Variants in RBFOX3 observed in about 807,000 individuals in gnomAD.
RBFOX3 encodes the protein RNA binding protein fox-1 homolog 3.
RBFOX3 carries 17 observed loss-of-function variants against 48.7 expected under a neutral mutation model. The ratio of observed to expected loss-of-function variants is 0.35; its 90% CI spans 0.24 to 0.52. The LOEUF is 0.52. RBFOX3 is among the 20% of genes least tolerant of loss of function. The pLI is 0.94. For missense variants in RBFOX3, 382 were observed against 497.5 expected (o/e 0.77, Z 2.21); for synonymous variants, 212 against 209.5 (o/e 1.01, Z -0.10).
Position 79,600,672 on chromosome 17 carries a change from C to T in RBFOX3, c.-320+10154G>A. ...GTCCATTCAGGAACCTTCAAAGCCA[C>T]ACCCCAGGGGGCTCCCACCTCGAAG... On this transcript the variant is annotated intron_variant, in intron 1 of 14. Coordinates refer to ENST00000693108, the MANE Select transcript of RBFOX3 (RefSeq NM_001350451.2). 1.3e-5 allele frequency: 2 copies of T among 152,342 alleles called. 1 individual carries two copies. Among genetic ancestry groups the T allele is most frequent in the East Asian group, 3.9e-4 (2 of 5,176 alleles). 9.4% of individuals were successfully genotyped at this position (152,342 alleles called of 1,614,324 possible).
In RBFOX3 at chr17:79,115,615, G is replaced by T. The variant is rs559791201; in HGVS notation, c.101C>A (p.Ser34Tyr). The change falls in exon 5 of 15, where the codon TCC (serine) becomes TAC (tyrosine). Residue 34 changes from serine to tyrosine, a missense_variant. Around this residue, in one of 3 missense-constraint regions of RBFOX3, gnomAD observed 118 missense variants for 132.1 expected, o/e 0.89. Coordinates refer to ENST00000693108, the MANE Select transcript of RBFOX3 (RefSeq NM_001350451.2). ...PPPPHPTQDYSGQTPVPTEHG... is the reference protein window; with the variant it reads ...PPPPHPTQDYYGQTPVPTEHG... ...CTCTGTGGGGACCGGGGTCTGGCCG[G>T]AGTAGTCCTGCGTGGGGTGCGGTGG... is the stretch of plus-strand genomic sequence containing the variant. 19 of 1,436,476 alleles carry T rather than the reference G, an allele frequency of 1.3e-5. No individual in the cohort carries two copies. In the South Asian group the frequency reaches 2.1e-4, roughly 16 times the overall value. The allele number at this position is 1,436,476 out of a possible 1,614,324, so 89.0% of individuals were successfully genotyped here. A position where few individuals can be genotyped will look rare whatever the true frequency, so the allele number is the denominator to read the frequency against.
At chr17:79,487,676 C>T (rs2079836623) in intron 1 of RBFOX3, among the ~76,000 whole-genome samples, 1 of 152,088 alleles carries the variant, frequency 6.6e-6, no homozygotes, top group Non-Finnish European at 1.5e-5. Context: ...CTTTGGGACG[C>T]TGAGGTGGGT....
intron 4 of RBFOX3, among the ~76,000 whole-genome samples, chr17:79,189,199 C>T (rs550095791): frequency 6.6e-6 from 1 of 152,230 alleles, no homozygotes; most frequent in Non-Finnish European, 1.5e-5. Flanking sequence ...TTTCAAAGAG[C>T]CTTCATGTAT....
intron 4 of RBFOX3, among the ~76,000 whole-genome samples, chr17:79,123,189 C>T (rs7212306): frequency 0.68 from 103,528 of 151,974 alleles, 35,589 homozygotes; most frequent in East Asian, 0.84. Flanking sequence ...TAATTGTACA[C>T]TTAAAAATCA....
intron 4 of RBFOX3, among the ~76,000 whole-genome samples, chr17:79,130,666 C>T (rs368780573): frequency 3.8e-4 from 58 of 152,380 alleles, no homozygotes; most frequent in African/African-American, 1.3e-3. Context: ...CTCCAGGCCT[C>T]GGCATGCAGC....
intron 1 of RBFOX3, among the ~76,000 whole-genome samples, chr17:79,511,360 A>G (rs2084170183): frequency 6.6e-6 from 1 of 152,126 alleles, no homozygotes; most frequent in Non-Finnish European, 1.5e-5. Context: ...AGTGCCTAAT[A>G]TGTGTCGGGG....
At chr17:79,451,879 T>C (rs1477446045) in intron 2 of RBFOX3, among the ~76,000 whole-genome samples, 2 of 152,268 alleles carry the variant, frequency 1.3e-5, no homozygotes, top group Admixed American at 1.3e-4. Flanking sequence ...GCTTCACGTC[T>C]GGAGACGCTT....
intron 4 of RBFOX3, among the ~76,000 whole-genome samples, chr17:79,131,961 G>A (rs2039020175): frequency 1.3e-5 from 2 of 152,286 alleles, no homozygotes; most frequent in East Asian, 3.9e-4. Flanking sequence ...CAAGCTCACT[G>A]CATACAAATC....
intron 1 of RBFOX3, among the ~76,000 whole-genome samples, chr17:79,502,535 T>G (rs2082524385): frequency 6.6e-6 from 1 of 152,200 alleles, no homozygotes; most frequent in South Asian, 2.1e-4. Context: ...TTTACCACAG[T>G]AAAAAATGTA....
chr17:79,357,826 C>T (rs1408859891), intron 2 of RBFOX3, among the ~76,000 whole-genome samples: 1 of 151,340 alleles, frequency 6.6e-6, no homozygotes. Context: ...TACTGCTTTC[C>T]AAGTCAATAC....
At chr17:79,624,703 T>A in the RBFOX3 span, among the ~76,000 whole-genome samples, 8 of 152,176 alleles carry the variant, frequency 5.3e-5, no homozygotes, top group Non-Finnish European at 1.2e-4. Context: ...CTTCTGGAAG[T>A]AAGGGCCCTG....
At position 79,477,368 on chromosome 17, in the gene RBFOX3, A is replaced by G. The variant is rs1277881409; in HGVS notation, c.-175+5086T>C. On this transcript the variant is annotated intron_variant, in intron 2 of 14. Coordinates refer to ENST00000693108, the MANE Select transcript of RBFOX3 (RefSeq NM_001350451.2). The surrounding 1 kb of genome is among the most constrained non-coding windows in gnomAD (Gnocchi z 4.8). ...TCAGGAGATCGAGATCATCCTGGCT[A>G]ACACGGTGAAACCCCGTCTCTACTA... Among the ~76,000 whole-genome samples, 20 of 151,840 alleles carry G rather than the reference A, an allele frequency of 1.3e-4. No homozygotes were observed. Among genetic ancestry groups the G allele is most frequent in the East Asian group, 9.7e-4 (5 of 5,166 alleles).
chr17:79,185,690 T>G (rs2053262094), intron 4 of RBFOX3, among the ~76,000 whole-genome samples: 1 of 152,188 alleles, frequency 6.6e-6, no homozygotes, highest in Non-Finnish European at 1.5e-5. Context: ...TAATTTGCCA[T>G]TATGACCATT....
At chr17:79,378,224 C>G (rs1265628972) in intron 2 of RBFOX3, among the ~76,000 whole-genome samples, 2 of 152,008 alleles carry the variant, frequency 1.3e-5, no homozygotes, top group Non-Finnish European at 2.9e-5. Context: ...CTCATCACCA[C>G]TCTGGACACA....
At chr17:79,468,855 G>T (rs111171016) in intron 2 of RBFOX3, among the ~76,000 whole-genome samples, 4,810 of 151,644 alleles carry the variant, frequency 0.032, 233 homozygotes, top group African/African-American at 0.11. Flanking sequence ...TAGATAGACA[G>T]CAGATAGGCA....
rs1454411334 is a variant in RBFOX3, at chr17:79,512,422, T to A, written c.-319-29824A>T. 1.8e-4 allele frequency among the ~76,000 whole-genome samples: 11 copies of A among 62,442 alleles called. No individual in the cohort carries two copies. In the South Asian group the frequency reaches 2.5e-3, roughly 14 times the overall value. 41.0% of individuals were successfully genotyped at this position (62,442 alleles called of 152,430 possible). On this transcript the variant is annotated intron_variant, in intron 1 of 14. Transcript: ENST00000693108. Reference sequence around the variant, plus strand: ...GCCCCATAGCCAGGGGACGCACACCTGGATACATGTTACCATCGAGTACAG... The same window carrying A: ...GCCCCATAGCCAGGGGACGCACACCAGGATACATGTTACCATCGAGTACAG...
chr17:79,368,262 A>G (rs2058058974), intron 2 of RBFOX3, among the ~76,000 whole-genome samples: 1 of 150,622 alleles, frequency 6.6e-6, no homozygotes, highest in African/African-American at 2.4e-5. Context: ...AGGGAGCTGC[A>G]AAGATGAGGG....
intron 4 of RBFOX3, among the ~76,000 whole-genome samples, chr17:79,129,277 T>G (rs1003191053): frequency 1.3e-5 from 2 of 152,188 alleles, no homozygotes; most frequent in Admixed American, 6.5e-5. Flanking sequence ...GGAAAGAAAC[T>G]CAGAGTGGGG....
At chr17:79,134,725 C>T (rs1248757684) in intron 4 of RBFOX3, among the ~76,000 whole-genome samples, 2 of 152,026 alleles carry the variant, frequency 1.3e-5, no homozygotes, top group Admixed American at 6.5e-5. Flanking sequence ...GGCACAGTTC[C>T]CCCTGGGGGA....
Sources: allele counts gnomAD v4.1 joint callset (sites outside exome capture counted in the v4.1 genomes callset), GRCh38; gene constraint gnomAD v4.1.1; regional missense constraint gnomAD v4.1.1; non-coding constraint Gnocchi (gnomAD v3.1); transcripts MANE v1.5; gene names NCBI Gene and HGNC (gene_info 2026-07-23, HGNC 2026-07-21).